Variants in TMEM132D observed in about 807,000 individuals in gnomAD.
The protein encoded by TMEM132D is mature OL transmembrane protein.
A neutral mutation model predicts 62.3 loss-of-function variants in TMEM132D; 21 were observed. The ratio of observed to expected loss-of-function variants is 0.34; its 90% CI spans 0.24 to 0.49. TMEM132D has a LOEUF of 0.49. TMEM132D is among the 20% of genes least tolerant of loss of function. TMEM132D has a pLI of 0.99. For synonymous variants in TMEM132D, 621 were observed against 575.6 expected, an observed-to-expected ratio of 1.08 and a Z score of -1.13; for missense variants, 1,346 against 1,402.8, an observed-to-expected ratio of 0.96 and a Z score of 0.65.
chr12:129,430,268 C>T (rs536308754), intron 3 of TMEM132D, among the ~76,000 whole-genome samples: 140 of 152,038 alleles, frequency 9.2e-4, no homozygotes, highest in African/African-American at 3.3e-3. Context: ...TTTTAATGAT[C>T]GCCATTCTAA....
chr12:129,714,349 C>G (rs375984398), intron 1 of TMEM132D, among the ~76,000 whole-genome samples: 2 of 152,126 alleles, frequency 1.3e-5, no homozygotes, highest in East Asian at 1.9e-4. Flanking sequence ...ATCTGCAGAC[C>G]CCCCTTTAAC....
chr12:129,084,992 G>A lies in TMEM132D; in HGVS notation c.1444-290C>T, dbSNP rs544845140. On this transcript the variant is annotated intron_variant, in intron 5 of 8. Coordinates refer to ENST00000422113, the MANE Select transcript of TMEM132D (RefSeq NM_133448.3). ...GCTGCGTGTGTTGCCGACAGCTCCT[G>A]CCACATCTTCCGTAGAAGACTGCCC... 1.1e-3 allele frequency: 578 copies of A among 518,128 alleles called. 4 individuals carry two copies. The highest frequency in any genetic ancestry group is 9.5e-3 in the Middle Eastern group (19 of 2,010). 32.1% of individuals were successfully genotyped at this position (518,128 alleles called of 1,614,324 possible). A position where few individuals can be genotyped will look rare whatever the true frequency, so the allele number is the denominator to read the frequency against.
intron 1 of TMEM132D, among the ~76,000 whole-genome samples, chr12:129,818,915 GC>G (rs1213189226): frequency 6.6e-6 from 1 of 151,950 alleles, no homozygotes; most frequent in East Asian, 1.9e-4. Context: ...TGCACCTGTA[GC>G]CCCAGCTACT....
chr12:129,548,679 G>C (rs948807991), intron 2 of TMEM132D, among the ~76,000 whole-genome samples: 1 of 151,164 alleles, frequency 6.6e-6, no homozygotes, highest in Admixed American at 6.6e-5. Context: ...TGCCTCTTCG[G>C]CTCACACTTC....
chr12:129,331,152 C>G (rs1275135361), intron 4 of TMEM132D, among the ~76,000 whole-genome samples: 1 of 152,210 alleles, frequency 6.6e-6, no homozygotes, highest in East Asian at 1.9e-4. Flanking sequence ...TTCTGAGATG[C>G]TTTTCCCCTT....
At chr12:129,432,955 T>A (rs1411963611) in intron 3 of TMEM132D, among the ~76,000 whole-genome samples, 3 of 152,150 alleles carry the variant, frequency 2.0e-5, no homozygotes, top group African/African-American at 4.8e-5. Context: ...GGGTAAACAT[T>A]ACCCTGACTT....
intron 2 of TMEM132D, among the ~76,000 whole-genome samples, chr12:129,547,807 T>C (rs914120646): frequency 6.6e-6 from 1 of 152,210 alleles, no homozygotes; most frequent in African/African-American, 2.4e-5. Flanking sequence ...AGAGTTGTTA[T>C]GAAAAGAAGT....
chr12:129,387,738 A>G (rs1171828183), intron 3 of TMEM132D, among the ~76,000 whole-genome samples: 1 of 152,166 alleles, frequency 6.6e-6, no homozygotes, highest in Non-Finnish European at 1.5e-5. Flanking sequence ...CACGAATCCT[A>G]ATATAAACAC....
In TMEM132D at chr12:129,101,367, G is replaced by A. The variant is rs552378454; in HGVS notation, c.1444-16665C>T. 3.8e-4 allele frequency among the ~76,000 whole-genome samples: 58 copies of A among 152,316 alleles called. 1 individual carries two copies. Among genetic ancestry groups the A allele is most frequent in the Non-Finnish European group, 7.4e-4 (50 of 68,022 alleles). On this transcript the variant is annotated intron_variant, in intron 5 of 8. Coordinates refer to ENST00000422113, the MANE Select transcript of TMEM132D (RefSeq NM_133448.3). Reference sequence around the variant, plus strand: ...ACTGAATGCAGAGCTGGGAAGAGATGTGCCACCATGGCTTTTGGTAGCTGG... The same window carrying A: ...ACTGAATGCAGAGCTGGGAAGAGATATGCCACCATGGCTTTTGGTAGCTGG...
chr12:129,465,291 G>A (rs10847884), intron 3 of TMEM132D, among the ~76,000 whole-genome samples: 29,301 of 151,956 alleles, frequency 0.19, 3,146 homozygotes, highest in Non-Finnish European at 0.24. Context: ...TTGATGGGAC[G>A]TATCTCAAAA....
At chr12:129,599,651 A>T (rs75232382) in intron 2 of TMEM132D, among the ~76,000 whole-genome samples, 1 of 152,302 alleles carries the variant, frequency 6.6e-6, no homozygotes, top group East Asian at 1.9e-4. Flanking sequence ...TTTTCTAGAT[A>T]TTGTGGGTTT....
intron 2 of TMEM132D, among the ~76,000 whole-genome samples, chr12:129,625,123 G>A (rs935039941): frequency 2.6e-5 from 4 of 152,246 alleles, no homozygotes; most frequent in East Asian, 1.9e-4. Flanking sequence ...TTCCTCATCC[G>A]TTCAGTCTCA....
In TMEM132D at chr12:129,371,769, G is replaced by T. The variant is rs913027737; in HGVS notation, c.1116-33952C>A. ...CATGGAAGTCTATACATAGCTTTAC[G>T]TATCTGCTGAACCTAGTTCAGTGTG... is the stretch of plus-strand genomic sequence containing the variant. On this transcript the variant is annotated intron_variant, in intron 3 of 8. Transcript: ENST00000422113. This position sits in a 1 kb window ranked among gnomAD's most constrained non-coding sequence, Gnocchi z 4.3. Among the ~76,000 whole-genome samples, 1 of 152,126 alleles carries T rather than the reference G, an allele frequency of 6.6e-6. No homozygotes were observed. Among genetic ancestry groups the T allele is most frequent in the Non-Finnish European group, 1.5e-5 (1 of 68,022 alleles).
intron 3 of TMEM132D, among the ~76,000 whole-genome samples, chr12:129,457,356 C>T (rs567203889): frequency 6.1e-5 from 9 of 146,926 alleles, no homozygotes; most frequent in Admixed American, 1.4e-4. Flanking sequence ...AACCAAACAC[C>T]GCATGTTCTC....
intron 2 of TMEM132D, among the ~76,000 whole-genome samples, chr12:129,605,596 T>C (rs1369429572): frequency 1.6e-5 from 1 of 64,254 alleles, no homozygotes; most frequent in African/African-American, 5.5e-5. Context: ...ATTATATATA[T>C]ATATATATAC....
chr12:129,890,463 C>A (rs1874885364), intron 1 of TMEM132D, among the ~76,000 whole-genome samples: 2 of 152,190 alleles, frequency 1.3e-5, no homozygotes, highest in Admixed American at 6.5e-5. Flanking sequence ...TGGCACCCAA[C>A]CCTGGCTCCC....
chr12:129,896,089 C>A (rs1875115238), intron 1 of TMEM132D, among the ~76,000 whole-genome samples: 1 of 151,874 alleles, frequency 6.6e-6, no homozygotes, highest in African/African-American at 2.4e-5. Flanking sequence ...CCCACCTTAG[C>A]CTCCAGAGTA....
intron 1 of TMEM132D, among the ~76,000 whole-genome samples, chr12:129,746,253 A>G (rs1171202747): frequency 1.3e-5 from 2 of 152,224 alleles, no homozygotes; most frequent in Non-Finnish European, 2.9e-5. Flanking sequence ...CCTGACAGGT[A>G]AAGAGTCTGT....
At chr12:129,493,276 T>C (rs956923598) in intron 3 of TMEM132D, among the ~76,000 whole-genome samples, 2 of 152,240 alleles carry the variant, frequency 1.3e-5, no homozygotes, top group Non-Finnish European at 1.5e-5. Context: ...CTCATCACAA[T>C]TAATACAACC....
Sources: gnomAD v4.1 joint callset for allele counts (sites outside exome capture counted in the v4.1 genomes callset) on GRCh38, gnomAD v4.1.1 for gene constraint, Gnocchi (gnomAD v3.1) non-coding constraint, MANE v1.5 for transcripts, NCBI Gene and HGNC (gene_info 2026-07-23, HGNC 2026-07-21) for gene names.